Variants in ZNF808 observed in about 807,000 individuals in gnomAD.
ZNF808 encodes zinc finger protein 808.
A neutral mutation model predicts 8.7 loss-of-function variants in ZNF808; 5 were observed. The ratio of observed to expected loss-of-function variants is 0.58; its 90% CI spans 0.30 to 1.21. The LOEUF is 1.21. Among genes scored for constraint, ZNF808 ranks in the 50% most tolerant of loss-of-function variants. The probability of loss-of-function intolerance (pLI) is 0.07; values close to 1 mark genes in which losing one functional copy is unlikely to be tolerated. For missense variants in ZNF808, 1,103 were observed against 1,098.4 expected (o/e 1.00, Z -0.06); for synonymous variants, 380 against 366.0 (o/e 1.04, Z -0.44).
At chr19:52,532,176 C>A (rs1207654423) in intron 1 of ZNF808, among the ~76,000 whole-genome samples, 30 of 151,948 alleles carry the variant, frequency 2.0e-4, no homozygotes, top group Non-Finnish European at 1.5e-5. Context: ...AGTGCCTGTT[C>A]TGCGTGGATT....
chr19:52,559,095 C>T (rs34603606), downstream of ZNF808, among the ~76,000 whole-genome samples: 14,163 of 152,080 alleles, frequency 0.093, 683 homozygotes, highest in Middle Eastern at 0.16. Context: ...ACCTGACCAT[C>T]CCCCAGCCCA....
At chr19:52,549,600 G>A (rs1291768989) in intron 4 of ZNF808, among the ~76,000 whole-genome samples, 5 of 151,756 alleles carry the variant, frequency 3.3e-5, no homozygotes, top group South Asian at 2.1e-4. Context: ...TTCCACTTTC[G>A]TCCAAGCTCA....
intron 2 of ZNF808, among the ~76,000 whole-genome samples, chr19:52,539,406 TG>T (rs2059646822): frequency 6.6e-6 from 1 of 151,774 alleles, no homozygotes; most frequent in Non-Finnish European, 1.5e-5. Flanking sequence ...AGGCGGGACT[TG>T]TCTTGCACTC....
intron 2 of ZNF808, among the ~76,000 whole-genome samples, chr19:52,538,917 C>T (rs2059640617): frequency 1.3e-5 from 2 of 152,078 alleles, no homozygotes; most frequent in Admixed American, 1.3e-4. Flanking sequence ...TGCCAAACTC[C>T]TGTGTCTAAG....
intron 4 of ZNF808, among the ~76,000 whole-genome samples, chr19:52,548,584 G>A (rs1030818404): frequency 8.5e-5 from 13 of 152,074 alleles, no homozygotes; most frequent in Non-Finnish European, 1.6e-4. Flanking sequence ...CACCACACCC[G>A]GGTAATTTTT....
At chr19:52,535,576 C>G (rs1364674312) in intron 2 of ZNF808, among the ~76,000 whole-genome samples, 7 of 152,258 alleles carry the variant, frequency 4.6e-5, no homozygotes, top group Non-Finnish European at 1.0e-4. Context: ...GCACTCCGTC[C>G]CGCATCCCAG....
Position 52,538,623 on chromosome 19 carries a change from T to A in ZNF808, c.-19-4643T>A, listed in dbSNP as rs182883817. On this transcript the variant is annotated intron_variant, in intron 2 of 4. Transcript: ENST00000359798. ...AGCGTGGGCAATAAGAGCGAAACTCTGTCTCAAAAAAACCAAAAAAGAATG... is the reference window on the plus strand; with the variant it reads ...AGCGTGGGCAATAAGAGCGAAACTCAGTCTCAAAAAAACCAAAAAAGAATG... Among the ~76,000 whole-genome samples the A allele has an allele frequency of 3.7e-5, 5 of 133,368 alleles. 1 individual carries two copies. The highest frequency in any genetic ancestry group is 1.4e-4 in the African/African-American group (5 of 34,700). The allele number at this position is 133,368 out of a possible 152,430, so 87.5% of individuals were successfully genotyped here.
At position 52,532,980 on chromosome 19, in the gene ZNF808, C is replaced by T. The variant is rs183014654; in HGVS notation, c.-49C>T. The T allele has an allele frequency of 1.0e-3, 155 of 154,234 alleles. 2 individuals carry two copies. The South Asian group carries it at 0.011, about 11-fold the overall frequency. The allele number at this position is 154,234 out of a possible 1,614,324, so 9.6% of individuals were successfully genotyped here. On this transcript the variant is annotated 5_prime_UTR_variant, in exon 2 of 5. Transcript: ENST00000359798. Reference sequence around the variant, plus strand: ...CCAGGGAGTTGAAGGCTGCAGTGAGCCCTGTTTTTGCCACCACACTCCAGC... The same window carrying T: ...CCAGGGAGTTGAAGGCTGCAGTGAGTCCTGTTTTTGCCACCACACTCCAGC...
At chr19:52,539,267 C>T (rs2059645416) in intron 2 of ZNF808, among the ~76,000 whole-genome samples, 1 of 146,170 alleles carries the variant, frequency 6.8e-6, no homozygotes, top group African/African-American at 2.5e-5. Flanking sequence ...AGTCTTGACT[C>T]ACTGCAACCT....
chr19:52,558,017 C>CTTTTTTTTTTT (rs66789100), downstream of ZNF808, among the ~76,000 whole-genome samples: 28 of 46,360 alleles, frequency 6.0e-4, 3 homozygotes, highest in African/African-American at 1.9e-3. Flanking sequence ...CTAGGTGTGG[C>CTTTTTTTTTTT]TTTTTTTTTT....
intron 2 of ZNF808, among the ~76,000 whole-genome samples, chr19:52,534,248 G>C (rs978252029): frequency 6.6e-6 from 1 of 152,106 alleles, no homozygotes; most frequent in South Asian, 2.1e-4. Context: ...CCCCTCCCTC[G>C]GGATGAAGCT....
downstream of ZNF808, among the ~76,000 whole-genome samples, chr19:52,558,524 A>G (rs2059846457): frequency 6.6e-6 from 1 of 151,646 alleles, no homozygotes; most frequent in South Asian, 2.1e-4. Context: ...GGCGTGTGCC[A>G]CCACGCCCAG....
downstream of ZNF808, among the ~76,000 whole-genome samples, chr19:52,557,887 G>T (rs930523769): frequency 3.3e-5 from 5 of 151,998 alleles, no homozygotes; most frequent in Non-Finnish European, 5.9e-5. Flanking sequence ...CTCAGACCTT[G>T]TCAGTGTAAC....
downstream of ZNF808, among the ~76,000 whole-genome samples, chr19:52,558,016 GCTTTTTTT>G (rs1255666524): frequency 2.7e-5 from 2 of 74,338 alleles, no homozygotes; most frequent in African/African-American, 1.0e-4. Context: ...TCTAGGTGTG[GCTTTTTTT>G]TTTTTTTTTT....
At chr19:52,541,342 G>C (rs1404021708) in intron 2 of ZNF808, among the ~76,000 whole-genome samples, 1 of 151,658 alleles carries the variant, frequency 6.6e-6, no homozygotes, top group African/African-American at 2.4e-5. Flanking sequence ...TATCTAGTTA[G>C]GTATTACAAG....
chr19:52,542,716 C>T (rs7253523), intron 2 of ZNF808, among the ~76,000 whole-genome samples: 2,246 of 152,010 alleles, frequency 0.015, 61 homozygotes, highest in African/African-American at 0.048. Context: ...TCTGGGAAGG[C>T]GGGACAACTT....
intron 4 of ZNF808, 76 bp downstream of exon 4, chr19:52,547,714 T>A: frequency 6.4e-7 from 1 of 1,574,336 alleles, no homozygotes; most frequent in East Asian, 2.2e-5. Flanking sequence ...GTATTCTCTT[T>A]TGTGATTTTG....
Position 52,554,743 on chromosome 19 carries a change from T to C in ZNF808, c.1827T>C (p.Ala609=). 1.9e-6 allele frequency: 3 copies of C among 1,613,288 alleles called. No homozygotes were observed. Among genetic ancestry groups the C allele is most frequent in the Non-Finnish European group, 2.5e-6 (3 of 1,179,714 alleles). Reference sequence around the variant, plus strand: ...ACAAAGTTTTTGGTCAGAAATCAGCTCTTGAGTCACATAAGAGAATTCATA... The same window carrying C: ...ACAAAGTTTTTGGTCAGAAATCAGCCCTTGAGTCACATAAGAGAATTCATA... ...ACDKVFGQKS[A]LESHKRIHTG... is the part of the protein sequence containing the mutation. Residue 609 remains alanine (A), a synonymous_variant, in exon 5 of 5, where the codon GCT becomes GCC. Coordinates refer to ENST00000359798, the MANE Select transcript of ZNF808 (RefSeq NM_001039886.4).
chr19:52,549,656 G>A (rs2059756251), intron 4 of ZNF808, among the ~76,000 whole-genome samples: 1 of 151,972 alleles, frequency 6.6e-6, no homozygotes, highest in Non-Finnish European at 1.5e-5. Flanking sequence ...AGAGGTGCAT[G>A]CACAAAGTTT....
Sources: gnomAD v4.1 joint callset for allele counts (sites outside exome capture counted in the v4.1 genomes callset) on GRCh38, gnomAD v4.1.1 for gene constraint, MANE v1.5 for transcripts, NCBI Gene and HGNC (gene_info 2026-07-23, HGNC 2026-07-21) for gene names.